The following SORBS2 variants were observed in gnomAD, a reference collection of about 807,000 sequenced individuals.
SORBS2 encodes sorbin and SH3 domain-containing protein 2.
A neutral mutation model predicts 97.7 loss-of-function variants in SORBS2; 46 were observed. That is an observed-to-expected ratio of 0.47 (90% CI 0.37 to 0.60). SORBS2 has a LOEUF of 0.60. Ranked by LOEUF, SORBS2 falls within the 20% of genes least tolerant of loss-of-function variation. The probability of loss-of-function intolerance (pLI) is 0.00; values close to 1 mark genes in which losing one functional copy is unlikely to be tolerated. For missense variants in SORBS2, 1,316 were observed against 1,282.3 expected, an observed-to-expected ratio of 1.03 and a Z score of -0.40; for synonymous variants, 476 against 473.4, an observed-to-expected ratio of 1.01 and a Z score of -0.07.
At chr4:185,888,664 G>T (rs2149795997) in intron 1 of SORBS2, among the ~76,000 whole-genome samples, 2 of 152,218 alleles carry the variant, frequency 1.3e-5, no homozygotes, top group Admixed American at 1.3e-4. Context: ...CAATGTTTGG[G>T]AATTTCCTTC....
chr4:185,767,885 A>G (rs2098945877), intron 2 of SORBS2, among the ~76,000 whole-genome samples: 2 of 152,190 alleles, frequency 1.3e-5, no homozygotes, highest in Non-Finnish European at 2.9e-5. Context: ...CACAAACTCA[A>G]TGCACCTTCC....
chr4:185,698,242 G>A (rs919077405), intron 2 of SORBS2, among the ~76,000 whole-genome samples: 4 of 152,298 alleles, frequency 2.6e-5, no homozygotes, highest in East Asian at 3.9e-4. Context: ...TTGGGAGGCC[G>A]AGGCAGGAGG....
intron 1 of SORBS2, among the ~76,000 whole-genome samples, chr4:185,897,582 A>C (rs1214426191): frequency 6.6e-6 from 1 of 152,200 alleles, no homozygotes; most frequent in Non-Finnish European, 1.5e-5. Context: ...TTGATTTTTC[A>C]GCGAACCTTC....
chr4:185,902,215 T>C (rs2099248141), intron 1 of SORBS2, among the ~76,000 whole-genome samples: 1 of 152,184 alleles, frequency 6.6e-6, no homozygotes, highest in Non-Finnish European at 1.5e-5. Context: ...CACTTTGAAA[T>C]ATTACTTTTT....
chr4:185,838,553 G>C (rs539337707), intron 1 of SORBS2, among the ~76,000 whole-genome samples: 1 of 152,292 alleles, frequency 6.6e-6, no homozygotes, highest in South Asian at 2.1e-4. Context: ...TTCCATTAGG[G>C]CCTCACTCCC....
chr4:185,942,559 C>T (rs898204092), intron 1 of SORBS2, among the ~76,000 whole-genome samples: 1 of 152,088 alleles, frequency 6.6e-6, no homozygotes, highest in East Asian at 1.9e-4. Context: ...CCATGTTGGT[C>T]AGGCTGGTCT....
intron 1 of SORBS2, among the ~76,000 whole-genome samples, chr4:185,852,478 G>A (rs1428000349): frequency 6.6e-6 from 1 of 152,152 alleles, no homozygotes; most frequent in Admixed American, 6.5e-5. Context: ...TCATATTCAT[G>A]GGAACATTTT....
At chr4:185,666,626 CTGTT>C (rs1488338437) in intron 4 of SORBS2, among the ~76,000 whole-genome samples, 1 of 152,196 alleles carries the variant, frequency 6.6e-6, no homozygotes, top group Non-Finnish European at 1.5e-5. Flanking sequence ...AAACATAAAT[CTGTT>C]TGTCTTATTT....
chr4:185,871,096 T>G (rs1245653195), intron 1 of SORBS2, among the ~76,000 whole-genome samples: 1 of 152,234 alleles, frequency 6.6e-6, no homozygotes, highest in Non-Finnish European at 1.5e-5. Flanking sequence ...ACACAGAGTC[T>G]ATTCCCCTGT....
At chr4:185,720,443 G>A (rs145736880) in intron 2 of SORBS2, among the ~76,000 whole-genome samples, 5 of 152,276 alleles carry the variant, frequency 3.3e-5, no homozygotes, top group Admixed American at 2.0e-4. Flanking sequence ...GCTATTGAAC[G>A]TATTTCTGTG....
Position 185,940,376 on chromosome 4 carries a change from T to C in SORBS2, c.-338+15820A>G, listed in dbSNP as rs76606180. On this transcript the variant is annotated intron_variant, in intron 1 of 20. Coordinates refer to the SORBS2 transcript ENST00000284776. ...ATGTGCTTTTCCCTTTTTACCCTTA[T>C]TCCCCATACATGAAGAACCATTCTA... is the stretch of plus-strand genomic sequence containing the variant. 3.7e-3 allele frequency among the ~76,000 whole-genome samples: 569 copies of C among 152,282 alleles called. 1 individual carries two copies. Among genetic ancestry groups the C allele is most frequent in the Non-Finnish European group, 5.5e-3 (377 of 68,020 alleles).
At chr4:185,789,092 G>T (rs562672376) in intron 1 of SORBS2, among the ~76,000 whole-genome samples, 2 of 152,308 alleles carry the variant, frequency 1.3e-5, no homozygotes, top group African/African-American at 2.4e-5. Context: ...TCTTTGGGGC[G>T]TTTGACTTAC....
At chr4:185,816,077 G>A (rs1424272045) in intron 1 of SORBS2, among the ~76,000 whole-genome samples, 2 of 152,152 alleles carry the variant, frequency 1.3e-5, no homozygotes. Flanking sequence ...CTCTGGTAGA[G>A]AGTATTGGAA....
intron 2 of SORBS2, 113 bp downstream of exon 3, chr4:185,733,986 T>TTC (rs2098664375): frequency 1.3e-5 from 2 of 152,594 alleles, no homozygotes; most frequent in African/African-American, 4.8e-5. Context: ...CCGTCTTATT[T>TTC]TCTTAACTTA....
At chr4:185,778,386 T>C (rs576282554) in intron 1 of SORBS2, among the ~76,000 whole-genome samples, 1 of 152,326 alleles carries the variant, frequency 6.6e-6, no homozygotes, top group Non-Finnish European at 1.5e-5. Context: ...TCTTGGGCCT[T>C]GCTTCTTAAA....
intron 1 of SORBS2, among the ~76,000 whole-genome samples, chr4:185,914,826 CT>C (rs2099257207): frequency 1.3e-5 from 2 of 152,218 alleles, no homozygotes; most frequent in African/African-American, 4.8e-5. Context: ...CCAGTCACAA[CT>C]CATTTATTAT....
intron 1 of SORBS2, among the ~76,000 whole-genome samples, chr4:185,778,614 G>T (rs1044286632): frequency 2.0e-5 from 3 of 152,024 alleles, no homozygotes; most frequent in Admixed American, 1.3e-4. Context: ...CAGTACCCCG[G>T]CCCCGCCCCT....
At chr4:185,955,409 A>G (rs2099279072) in intron 1 of SORBS2, among the ~76,000 whole-genome samples, 1 of 152,216 alleles carries the variant, frequency 6.6e-6, no homozygotes, top group Non-Finnish European at 1.5e-5. Context: ...ATGGTACATG[A>G]TGAAAGTCCC....
At chr4:185,652,575 T>A in intron 2 of SORBS2, 87 bp downstream of exon 10, 1 of 1,024,412 alleles carries the variant, frequency 9.8e-7, no homozygotes, top group Non-Finnish European at 1.6e-6. Flanking sequence ...GGTCTTGACA[T>A]TGTGTGTGAA....
Sources: allele counts gnomAD v4.1 joint callset (sites outside exome capture counted in the v4.1 genomes callset), GRCh38; gene constraint gnomAD v4.1.1; transcripts MANE v1.5; gene names NCBI Gene and HGNC (gene_info 2026-07-23, HGNC 2026-07-21).